COL25A1: variants seen among roughly 807,000 people sequenced by gnomAD.
COL25A1 encodes the protein collagen alpha-1(XXV) chain.
In COL25A1, 103 loss-of-function variants were observed where a neutral mutation model predicts 128.4. The ratio of observed to expected loss-of-function variants is 0.80; its 90% confidence interval spans 0.68 to 0.94. COL25A1 has a LOEUF of 0.94. Among genes scored for constraint, COL25A1 ranks in the 40% least tolerant of loss-of-function variants. The pLI is 0.00. For synonymous variants in COL25A1, 279 were observed against 277.2 expected, an observed-to-expected ratio of 1.01 and a Z score of -0.06; for missense variants, 745 against 840.0, an observed-to-expected ratio of 0.89 and a Z score of 1.40.
chr4:108,872,471 C>T (rs1353602000), intron 19 of COL25A1, among the ~76,000 whole-genome samples: 4 of 152,030 alleles, frequency 2.6e-5, no homozygotes, highest in Non-Finnish European at 5.9e-5. Flanking sequence ...CCACGTTGCA[C>T]CTAACCTTTA....
At chr4:108,921,519 G>C (rs1002215718) in intron 11 of COL25A1, among the ~76,000 whole-genome samples, 2 of 152,134 alleles carry the variant, frequency 1.3e-5, no homozygotes. Context: ...TTTATTCCAT[G>C]ACATTTAACT....
rs76754071 is a variant in COL25A1, at chr4:109,206,798, T to C, written c.367+93785A>G. Among the ~76,000 whole-genome samples, 1,764 of 152,210 alleles carry C rather than the reference T, an allele frequency of 0.012. 60 individuals are homozygous for C. In the South Asian group the frequency reaches 0.14, roughly 12 times the overall value. ...AAAGCAGATTTGGCAAGAACCAGGG[T>C]GGGGATGAGTGGGAAAAACAAAGCC... On this transcript the variant is annotated intron_variant, in intron 3 of 37. Transcript: ENST00000399132.
At chr4:109,001,311 G>C (rs1755338250) in intron 6 of COL25A1, among the ~76,000 whole-genome samples, 1 of 19,578 alleles carries the variant, frequency 5.1e-5, no homozygotes, top group Admixed American at 8.3e-4. Context: ...TGAGTGGCCA[G>C]ACAACAGGCA....
intron 3 of COL25A1, among the ~76,000 whole-genome samples, chr4:109,247,698 A>C (rs1780366503): frequency 6.6e-6 from 1 of 152,200 alleles, no homozygotes; most frequent in South Asian, 2.1e-4. Flanking sequence ...CTAGGTGGGA[A>C]GTAAAACTAA....
intron 3 of COL25A1, among the ~76,000 whole-genome samples, chr4:109,115,961 A>C (rs28397099): frequency 0.26 from 40,191 of 151,982 alleles, 5,933 homozygotes; most frequent in African/African-American, 0.39. Context: ...TCTAAAATCT[A>C]TCAGAGAAGT....
At chr4:108,911,456 TAATC>T (rs373213208) in intron 13 of COL25A1, among the ~76,000 whole-genome samples, 67,612 of 149,238 alleles carry the variant, frequency 0.45, 18,063 homozygotes, top group East Asian at 0.93. Context: ...ATTGTTCATT[TAATC>T]TTCATATAAT....
chr4:109,210,916 A>G (rs951552472), intron 3 of COL25A1, among the ~76,000 whole-genome samples: 1 of 152,078 alleles, frequency 6.6e-6, no homozygotes, highest in Middle Eastern at 3.2e-3. Flanking sequence ...GAGTTAACAC[A>G]GGAACAGAAA....
chr4:108,816,481 G>T (rs2125704140), intron 37 of COL25A1, among the ~76,000 whole-genome samples: 1 of 152,260 alleles, frequency 6.6e-6, no homozygotes, highest in East Asian at 1.9e-4. Context: ...TACATGCTTG[G>T]AATGCTTTTA....
At chr4:109,070,366 T>C (rs1460671909) in intron 3 of COL25A1, among the ~76,000 whole-genome samples, 2 of 151,948 alleles carry the variant, frequency 1.3e-5, no homozygotes, top group African/African-American at 4.8e-5. Context: ...TTTAATCTTT[T>C]TTTTTTTTAC....
chr4:109,237,618 A>G (rs1268438411), intron 3 of COL25A1, among the ~76,000 whole-genome samples: 1 of 149,204 alleles, frequency 6.7e-6, no homozygotes, highest in Non-Finnish European at 1.5e-5. Context: ...GCTTGATGGC[A>G]ATCTTTTTTT....
At chr4:109,075,716 T>C (rs141804584) in intron 3 of COL25A1, among the ~76,000 whole-genome samples, 1 of 152,174 alleles carries the variant, frequency 6.6e-6, no homozygotes, top group East Asian at 1.9e-4. Flanking sequence ...TCACTTCCTG[T>C]GTATATTTTA....
rs1212687720 is a variant in COL25A1, at chr4:109,300,599, T to C, written c.351A>G (p.Glu117=). 1 of 1,611,690 alleles carries C rather than the reference T, an allele frequency of 6.2e-7. No homozygotes were observed. Among genetic ancestry groups the C allele is most frequent in the Admixed American group, 1.7e-5 (1 of 60,024 alleles). ...KIRIAREAPS[E]CNCPAGPPGK... is the part of the protein sequence containing the mutation. ...CCATTTTACCTGCTGGGCAGTTACA[T>C]TCTGAAGGTGCTTCTCTTGCGATTC... The change falls in exon 3 of 38, where the codon GAA becomes GAG. Residue 117 remains glutamate, a synonymous_variant. Coordinates refer to ENST00000399132, the MANE Select transcript of COL25A1 (RefSeq NM_198721.4).
intron 3 of COL25A1, among the ~76,000 whole-genome samples, chr4:109,194,074 A>T (rs1334671507): frequency 6.6e-6 from 1 of 152,188 alleles, no homozygotes; most frequent in Non-Finnish European, 1.5e-5. Context: ...TGAGCAAGCG[A>T]ACTTGTTAAA....
At chr4:109,056,956 C>T (rs1420232806) in intron 3 of COL25A1, among the ~76,000 whole-genome samples, 2 of 152,154 alleles carry the variant, frequency 1.3e-5, no homozygotes, top group African/African-American at 4.8e-5. Flanking sequence ...AACTTCTGGG[C>T]TCAAGCGATC....
intron 3 of COL25A1, among the ~76,000 whole-genome samples, chr4:109,254,775 C>T (rs1296373347): frequency 6.6e-6 from 1 of 151,888 alleles, no homozygotes; most frequent in African/African-American, 2.4e-5. Context: ...AAAAATAAGA[C>T]ACACTGCCCA....
At chr4:109,088,809 A>G (rs1262939608) in intron 3 of COL25A1, among the ~76,000 whole-genome samples, 1 of 152,194 alleles carries the variant, frequency 6.6e-6, no homozygotes, top group East Asian at 1.9e-4. Context: ...GATTTGGACA[A>G]GAGAATGAAT....
chr4:109,210,546 T>C (rs987695), intron 3 of COL25A1, among the ~76,000 whole-genome samples: 83,761 of 152,086 alleles, frequency 0.55, 25,672 homozygotes, highest in African/African-American at 0.8. Context: ...CTTATTTTGC[T>C]TCCCACCGTT....
chr4:109,030,397 C>A (rs1758723456), intron 5 of COL25A1, among the ~76,000 whole-genome samples: 2 of 152,108 alleles, frequency 1.3e-5, no homozygotes, highest in African/African-American at 4.8e-5. Context: ...AGTGGAATAG[C>A]CTCTAGTGCA....
At chr4:109,185,598 T>G (rs1414336387) in intron 3 of COL25A1, among the ~76,000 whole-genome samples, 3 of 152,224 alleles carry the variant, frequency 2.0e-5, no homozygotes, top group Non-Finnish European at 2.9e-5. Flanking sequence ...GATGGAATAT[T>G]GGGGCCTTCC....
Sources: gnomAD v4.1 joint callset for allele counts (sites outside exome capture counted in the v4.1 genomes callset) on GRCh38, gnomAD v4.1.1 for gene constraint, MANE v1.5 for transcripts, NCBI Gene and HGNC (gene_info 2026-07-23, HGNC 2026-07-21) for gene names.